The following CRYGS variants were observed in gnomAD, a reference collection of about 807,000 sequenced individuals.
CRYGS encodes the protein gamma-crystallin S.
CRYGS carries 13 observed loss-of-function variants against 21.3 expected under a neutral mutation model. That is an observed-to-expected ratio of 0.61 (90% confidence interval 0.40 to 0.97). The LOEUF (loss-of-function observed/expected upper bound fraction) is 0.97. CRYGS is among the 50% of genes least tolerant of loss of function. The probability of loss-of-function intolerance (pLI) is 0.00; values close to 1 mark genes in which losing one functional copy is unlikely to be tolerated. For synonymous variants in CRYGS, 67 were observed against 75.0 expected (o/e 0.89, Z 0.55); for missense variants, 205 against 229.7 (o/e 0.89, Z 0.69).
chr3:186,544,275 G>A (rs771176383), intron 1 of CRYGS, 31 bp downstream of exon 1: 132 of 1,543,564 alleles, frequency 8.6e-5, no homozygotes, highest in Non-Finnish European at 1.0e-4. Context: ...GGTGAAAAGC[G>A]GGTAGGCTAA....
In CRYGS at chr3:186,538,523, G is replaced by T; in HGVS notation, c.*173C>A. 1.4e-6 allele frequency: 1 copy of T among 732,580 alleles called. No individual in the cohort carries two copies. The highest frequency in any genetic ancestry group is 2.3e-6 in the Non-Finnish European group (1 of 444,230). 45.4% of individuals were successfully genotyped at this position (732,580 alleles called of 1,614,324 possible). On this transcript the variant is annotated 3_prime_UTR_variant, in exon 3 of 3. Coordinates refer to ENST00000307944, the MANE Select transcript of CRYGS (RefSeq NM_017541.4). Reference sequence around the variant, plus strand: ...GGTGATCTGGCAGATGGGTAGCTTTGTGTGACTGCCCACTGTGGCGAGCAC... The same window carrying T: ...GGTGATCTGGCAGATGGGTAGCTTTTTGTGACTGCCCACTGTGGCGAGCAC...
Position 186,539,388 on chromosome 3 carries a change from G to A in CRYGS, c.231C>T (p.Asn77=), listed in dbSNP as rs535693663. ...YPEYQRWMGL[N]DRLSSCRAVH... is the part of the protein sequence containing the mutation. ...CAGCTCTGCAGGAGCTGAGGCGGTC[G>A]TTGAGGCCCATCCAACGCTGGTATT... The change falls in exon 2 of 3, where the codon AAC becomes AAT. Residue 77 remains asparagine, a synonymous_variant. Transcript: ENST00000307944. 34 of 1,612,216 alleles carry A rather than the reference G, an allele frequency of 2.1e-5. No individual in the cohort carries two copies. In the African/African-American group the frequency reaches 2.7e-4, roughly 13 times the overall value.
chr3:186,539,439 G>A lies in CRYGS; in HGVS notation c.180C>T (p.Tyr60=). 2 of 1,612,620 alleles carry A rather than the reference G, an allele frequency of 1.2e-6. No individual in the cohort carries two copies. Among genetic ancestry groups the A allele is most frequent in the South Asian group, 2.2e-5 (2 of 91,010 alleles). ...CAGGGTACTCTCCCTGTGGTAAGAT[G>A]TACATGTACCCAGCAAAGTTGGGCC... ...YERPNFAGYM[Y]ILPQGEYPEY... is the part of the protein sequence containing the mutation. Residue 60 remains tyrosine, a synonymous_variant, in exon 2 of 3, where the codon TAC becomes TAT. Coordinates refer to ENST00000307944, the MANE Select transcript of CRYGS (RefSeq NM_017541.4).
At chr3:186,540,183 C>T (rs886155884) in intron 1 of CRYGS, 1 of 153,420 alleles carries the variant, frequency 6.5e-6, no homozygotes, top group Non-Finnish European at 1.5e-5. Flanking sequence ...AGTTTATTGC[C>T]AACAGAGTAG....
At chr3:186,540,710 T>C in intron 1 of CRYGS, 1 of 966,752 alleles carries the variant, frequency 1.0e-6, no homozygotes, top group Non-Finnish European at 1.2e-6. Flanking sequence ...TGATTTACTT[T>C]ATGGATTTCA....
chr3:186,538,687 T>A lies in CRYGS; in HGVS notation c.*9A>T. On this transcript the variant is annotated 3_prime_UTR_variant, in exon 3 of 3. Coordinates refer to ENST00000307944, the MANE Select transcript of CRYGS (RefSeq NM_017541.4). ...GGGCCCCAGGAAGAATATGGCCCCATTCATGTCATTACTCCACAATGCGGC... is the reference window on the plus strand; with the variant it reads ...GGGCCCCAGGAAGAATATGGCCCCAATCATGTCATTACTCCACAATGCGGC... The A allele has an allele frequency of 1.9e-6, 3 of 1,614,138 alleles. No individual in the cohort carries two copies. The highest frequency in any genetic ancestry group is 2.2e-5 in the East Asian group (1 of 44,884).
chr3:186,539,930 T>C (rs1223346639), intron 1 of CRYGS: 1 of 303,614 alleles, frequency 3.3e-6, no homozygotes, highest in African/African-American at 2.2e-5. Flanking sequence ...CATTTATATG[T>C]CTACCCCTCC....
chr3:186,541,117 T>C (rs1051237689), intron 1 of CRYGS, among the ~76,000 whole-genome samples: 3 of 152,044 alleles, frequency 2.0e-5, no homozygotes, highest in African/African-American at 7.2e-5. Context: ...GAGAAAACAG[T>C]AAAGAACTTC....
chr3:186,538,537 T>C lies in CRYGS; in HGVS notation c.*159A>G, dbSNP rs1050768969. ...TGGGTAGCTTTGTGTGACTGCCCACTGTGGCGAGCACTGTATTGCTGGTCC... is the reference window on the plus strand; with the variant it reads ...TGGGTAGCTTTGTGTGACTGCCCACCGTGGCGAGCACTGTATTGCTGGTCC... On this transcript the variant is annotated 3_prime_UTR_variant, in exon 3 of 3. Transcript: ENST00000307944. 1.2e-6 allele frequency: 1 copy of C among 846,916 alleles called. No individual in the cohort carries two copies. The highest frequency in any genetic ancestry group is 1.9e-6 in the Non-Finnish European group (1 of 539,654). The allele number at this position is 846,916 out of a possible 1,614,324, so 52.5% of individuals were successfully genotyped here.
chr3:186,539,275 A>G lies in CRYGS; in HGVS notation c.264+80T>C. 3.8e-6 allele frequency: 6 copies of G among 1,594,234 alleles called. No individual in the cohort carries two copies. The Admixed American group carries it at 8.3e-5, about 22-fold the overall frequency. On this transcript the variant is annotated intron_variant, in intron 2 of 2. Coordinates refer to ENST00000307944, the MANE Select transcript of CRYGS (RefSeq NM_017541.4). ...ACTCATTAAGAGGTAGAGAAGACTC[A>G]AGAAAATGTTCACCTAAAAGCAAGA...
chr3:186,540,093 C>T (rs1380807215), intron 1 of CRYGS: 2 of 164,946 alleles, frequency 1.2e-5, no homozygotes, highest in African/African-American at 4.8e-5. Flanking sequence ...AAAGCATGAA[C>T]CTTAGCTTTA....
intron 1 of CRYGS, among the ~76,000 whole-genome samples, chr3:186,540,976 A>G (rs925859396): frequency 5.3e-5 from 8 of 152,174 alleles, no homozygotes; most frequent in South Asian, 2.1e-4. Flanking sequence ...CACCAGAATC[A>G]TGCTGGAATC....
Position 186,538,674 on chromosome 3 carries a change from G to A in CRYGS, c.*22C>T. ...CCAGCCAGCATTTGGGCCCCAGGAA[G>A]AATATGGCCCCATTCATGTCATTAC... On this transcript the variant is annotated 3_prime_UTR_variant, in exon 3 of 3. Coordinates refer to ENST00000307944, the MANE Select transcript of CRYGS (RefSeq NM_017541.4). 6.2e-7 allele frequency: 1 copy of A among 1,614,008 alleles called. No homozygotes were observed. The highest frequency in any genetic ancestry group is 8.5e-7 in the Non-Finnish European group (1 of 1,179,962).
chr3:186,541,254 T>C (rs975847135), intron 1 of CRYGS, among the ~76,000 whole-genome samples: 1 of 152,188 alleles, frequency 6.6e-6, no homozygotes, highest in Non-Finnish European at 1.5e-5. Flanking sequence ...AATATACTAA[T>C]AATTGTTTCC....
Position 186,538,872 on chromosome 3 carries a change from G to C in CRYGS, c.361C>G (p.Gln121Glu). Residue 121 changes from glutamine to glutamate, a missense_variant, in exon 3 of 3, where the codon CAA becomes GAA. By Grantham distance (29) the Gln-to-Glu change is conservative. Coordinates refer to ENST00000307944, the MANE Select transcript of CRYGS (RefSeq NM_017541.4). ...GAGTGGATCTCTCGCATGTGAAATT[G>C]CTCCATGATGGAAGGGCAATCTTCG... ...TTEDCPSIMEQFHMREIHSCK... is the reference protein window; with the variant it reads ...TTEDCPSIMEEFHMREIHSCK... 2 of 1,614,044 alleles carry C rather than the reference G, an allele frequency of 1.2e-6. No individual in the cohort carries two copies. The highest frequency in any genetic ancestry group is 1.7e-6 in the Non-Finnish European group (2 of 1,179,996).
chr3:186,538,568 A>G lies in CRYGS; in HGVS notation c.*128T>C. The G allele has an allele frequency of 8.2e-7, 1 of 1,217,074 alleles. No individual in the cohort carries two copies. The highest frequency in any genetic ancestry group is 1.2e-6 in the Non-Finnish European group (1 of 845,434). The allele number at this position is 1,217,074 out of a possible 1,614,324, so 75.4% of individuals were successfully genotyped here. On this transcript the variant is annotated 3_prime_UTR_variant, in exon 3 of 3. Coordinates refer to ENST00000307944, the MANE Select transcript of CRYGS (RefSeq NM_017541.4). The stretch of plus-strand genomic sequence containing the variant: ...GAGCACTGTATTGCTGGTCCCTAGA[A>G]GCATTTAAGGAGAGGCATTATAGTC...
chr3:186,543,313 G>C (rs1049645864), intron 1 of CRYGS, among the ~76,000 whole-genome samples: 1 of 152,112 alleles, frequency 6.6e-6, no homozygotes, highest in Non-Finnish European at 1.5e-5. Flanking sequence ...CCACCATGAA[G>C]CACTTTTCTG....
chr3:186,544,372 A>C lies in CRYGS; in HGVS notation c.-46T>G, dbSNP rs371031485. The C allele has an allele frequency of 7.2e-7, 1 of 1,391,308 alleles. No individual in the cohort carries two copies. Among genetic ancestry groups the C allele is most frequent in the Non-Finnish European group, 1.0e-6 (1 of 976,874 alleles). 86.2% of individuals were successfully genotyped at this position (1,391,308 alleles called of 1,614,324 possible). A position where few individuals can be genotyped will look rare whatever the true frequency, so the allele number is the denominator to read the frequency against. On this transcript the variant is annotated 5_prime_UTR_variant, in exon 1 of 3. In the 5' UTR this introduces an upstream ATG that the reference lacks. Coordinates refer to ENST00000307944, the MANE Select transcript of CRYGS (RefSeq NM_017541.4). The stretch of plus-strand genomic sequence containing the variant: ...TTCCCAGTGCTGAAAGAAATTCAGG[A>C]ATGGCTACAGAGAGTTAGAGGCACA...
At chr3:186,544,159 A>G in intron 1 of CRYGS, 147 bp downstream of exon 1, 2 of 716,684 alleles carry the variant, frequency 2.8e-6, no homozygotes, top group South Asian at 3.0e-5. Context: ...GGAAAATATA[A>G]TAAGCATTTC....
Sources: gnomAD v4.1 joint callset for allele counts (sites outside exome capture counted in the v4.1 genomes callset) on GRCh38, gnomAD v4.1.1 for gene constraint, MANE v1.5 for transcripts, NCBI Gene and HGNC (gene_info 2026-07-23, HGNC 2026-07-21) for gene names.